Variants in HHIP observed in about 807,000 individuals in gnomAD.
HHIP encodes hedgehog-interacting protein.
Under a neutral mutation model 74.0 loss-of-function variants are expected in HHIP, and 12 were observed. That is an observed-to-expected ratio of 0.16 (90% CI 0.10 to 0.26). The LOEUF is 0.26. HHIP is among the 10% of genes least tolerant of loss of function. The pLI is 1.00. For missense variants in HHIP, 788 were observed against 845.0 expected, an observed-to-expected ratio of 0.93 and a Z score of 0.84; for synonymous variants, 309 against 311.6, an observed-to-expected ratio of 0.99 and a Z score of 0.09.
chr4:144,735,000 T>G, intron 12 of HHIP, 111 bp downstream of exon 12: 1 of 1,043,916 alleles, frequency 9.6e-7, no homozygotes, highest in Non-Finnish European at 1.3e-6. Context: ...TCAAAAGTAT[T>G]TAGCCATTTA....
chr4:144,718,587 C>T (rs970987546), intron 10 of HHIP, among the ~76,000 whole-genome samples: 3 of 152,104 alleles, frequency 2.0e-5, no homozygotes, highest in African/African-American at 7.2e-5. Context: ...CACAGAAGAA[C>T]AAGAGTGGCA....
chr4:144,686,388 AG>A (rs1729488280), intron 4 of HHIP, among the ~76,000 whole-genome samples: 1 of 152,280 alleles, frequency 6.6e-6, no homozygotes, highest in South Asian at 2.1e-4. Context: ...AATATCTAAA[AG>A]TTGTTCAAGA....
chr4:144,668,656 G>A (rs1728944952), intron 4 of HHIP, among the ~76,000 whole-genome samples: 1 of 152,034 alleles, frequency 6.6e-6, no homozygotes, highest in African/African-American at 2.4e-5. Flanking sequence ...GGAGGCTGAG[G>A]TAGGAGAATC....
chr4:144,712,284 T>A (rs2126661422), intron 8 of HHIP, among the ~76,000 whole-genome samples: 1 of 152,258 alleles, frequency 6.6e-6, no homozygotes, highest in Non-Finnish European at 1.5e-5. Context: ...TACCATGGAT[T>A]GAAAGGTTCT....
chr4:144,720,231 C>T (rs1040225166), intron 11 of HHIP, among the ~76,000 whole-genome samples: 3 of 152,052 alleles, frequency 2.0e-5, no homozygotes, highest in African/African-American at 7.2e-5. Context: ...AAATCAGACA[C>T]TTAGGGGATT....
At chr4:144,684,061 T>TA (rs141349721) in intron 4 of HHIP, among the ~76,000 whole-genome samples, 54,609 of 141,356 alleles carry the variant, frequency 0.39, 12,121 homozygotes, top group South Asian at 0.51. Context: ...AGACTCCGTC[T>TA]AAAAAAAAAA....
chr4:144,715,049 A>G, intron 9 of HHIP: 1 of 346,274 alleles, frequency 2.9e-6, no homozygotes, highest in Admixed American at 3.9e-5. Flanking sequence ...CTCTGGATGA[A>G]GGGGAGGGCT....
chr4:144,713,228 G>A (rs1730350794), intron 8 of HHIP, among the ~76,000 whole-genome samples: 2 of 152,106 alleles, frequency 1.3e-5, no homozygotes, highest in Non-Finnish European at 2.9e-5. Context: ...CTGAGGCACA[G>A]AAAGATTAAT....
Position 144,687,848 on chromosome 4 carries a change from C to T in HHIP, c.832-18683C>T, listed in dbSNP as rs150758071. On this transcript the variant is annotated intron_variant, in intron 4 of 12. Transcript: ENST00000296575. ...TGATAACTTACATTCTATTTGCATA[C>T]GGCTTTTAACTTGTTAGGAATGGAA... Among the ~76,000 whole-genome samples the T allele has an allele frequency of 1.3e-4, 18 of 139,980 alleles. No homozygotes were observed. In the East Asian group the frequency reaches 2.4e-3, roughly 19 times the overall value. 91.8% of individuals were successfully genotyped at this position (139,980 alleles called of 152,430 possible).
In HHIP at chr4:144,737,912, T is replaced by C. The variant is rs11727676; in HGVS notation, c.2058T>C (p.Ile686=). 0.083 allele frequency: 133,772 copies of C among 1,612,724 alleles called. 6,354 individuals carry two copies. The highest frequency in any genetic ancestry group is 0.096 in the Non-Finnish European group (112,909 of 1,179,192). The stretch of plus-strand genomic sequence containing the variant: ...GGGCAGGTATTCTTGATCAGATCAT[T>C]GACATGACATCTTACTTGCTGGATC... ...VTRAGILDQI[I]DMTSYLLDLT... Residue 686 remains isoleucine (I), a synonymous_variant, in exon 13 of 13, where the codon ATT becomes ATC. Coordinates refer to ENST00000296575, the MANE Select transcript of HHIP (RefSeq NM_022475.3).
chr4:144,692,672 T>C (rs528995406), intron 4 of HHIP, among the ~76,000 whole-genome samples: 2 of 152,324 alleles, frequency 1.3e-5, no homozygotes, highest in African/African-American at 4.8e-5. Context: ...TGTATAGCGT[T>C]ACTTGTGTAA....
At position 144,646,644 on chromosome 4, in the gene HHIP, C is replaced by T. The variant is rs1728267612; in HGVS notation, c.-32C>T. ...GGCAGTGGCGTTCCCCCCCATCCTC[C>T]CGCGCCCAGCCCCTGCTGCTCTGGG... On this transcript the variant is annotated 5_prime_UTR_variant, in exon 1 of 13. Coordinates refer to ENST00000296575, the MANE Select transcript of HHIP (RefSeq NM_022475.3). 2.5e-6 allele frequency: 4 copies of T among 1,598,812 alleles called. No individual in the cohort carries two copies. The highest frequency in any genetic ancestry group is 2.6e-6 in the Non-Finnish European group (3 of 1,171,112).
intron 5 of HHIP, 65 bp downstream of exon 5, chr4:144,706,747 GT>G (rs60590058): frequency 3.4e-6 from 5 of 1,467,998 alleles, no homozygotes; most frequent in South Asian, 1.4e-5. Flanking sequence ...CTTTTCATAA[GT>G]TTTTTTATTT....
At chr4:144,735,528 GATGC>G (rs1731091162) in intron 12 of HHIP, among the ~76,000 whole-genome samples, 1 of 152,114 alleles carries the variant, frequency 6.6e-6, no homozygotes, top group Admixed American at 6.6e-5. Context: ...TATGTGCAAT[GATGC>G]TTAAGTTCTA....
chr4:144,660,718 A>G (rs1193067831), intron 4 of HHIP, among the ~76,000 whole-genome samples: 1 of 152,160 alleles, frequency 6.6e-6, no homozygotes, highest in Non-Finnish European at 1.5e-5. Flanking sequence ...AAATATAGAT[A>G]TATTCCTGCT....
chr4:144,726,217 T>C (rs1440639628), intron 11 of HHIP, among the ~76,000 whole-genome samples: 1 of 152,186 alleles, frequency 6.6e-6, no homozygotes, highest in Admixed American at 6.6e-5. Flanking sequence ...TTGGCTTTTT[T>C]ATTATAACCT....
chr4:144,711,552 A>C (rs568756973), intron 7 of HHIP, among the ~76,000 whole-genome samples: 1 of 151,722 alleles, frequency 6.6e-6, no homozygotes, highest in East Asian at 1.9e-4. Flanking sequence ...ATGTGTTCTC[A>C]TTGTTCAACT....
chr4:144,718,959 G>A lies in HHIP; in HGVS notation c.1760+3G>A. The A allele has an allele frequency of 6.4e-7, 1 of 1,558,360 alleles. No homozygotes were observed. The highest frequency in any genetic ancestry group is 8.8e-7 in the Non-Finnish European group (1 of 1,130,016). Reference sequence around the variant, plus strand: ...TACAAAATTGTAGATCCCAAAAGGTGAGATTTCCTTTTATCCCATTAAGTC... The same window carrying A: ...TACAAAATTGTAGATCCCAAAAGGTAAGATTTCCTTTTATCCCATTAAGTC... On this transcript the variant is annotated splice_donor_region_variant and intron_variant, in intron 11 of 12. Transcript: ENST00000296575.
At chr4:144,652,134 T>G (rs138557245) in intron 1 of HHIP, among the ~76,000 whole-genome samples, 53 of 152,214 alleles carry the variant, frequency 3.5e-4, no homozygotes, top group African/African-American at 1.1e-3. Flanking sequence ...CCCAAGTATA[T>G]TTTTGACATT....
Sources: allele counts gnomAD v4.1 joint callset (sites outside exome capture counted in the v4.1 genomes callset), GRCh38; gene constraint gnomAD v4.1.1; transcripts MANE v1.5; gene names NCBI Gene and HGNC (gene_info 2026-07-23, HGNC 2026-07-21).